DLGAP1: variants seen among roughly 807,000 people sequenced by gnomAD.
The protein encoded by DLGAP1 is DLG associated protein 1, also known as disks large-associated protein 1.
A neutral mutation model predicts 90.8 loss-of-function variants in DLGAP1; 11 were observed. That is an observed-to-expected ratio of 0.12 (90% confidence interval 0.08 to 0.20). The LOEUF is 0.20. DLGAP1 is among the 10% of genes least tolerant of loss of function. The pLI is 1.00. For synonymous variants in DLGAP1, 558 were observed against 540.7 expected (o/e 1.03, Z -0.44); for missense variants, 1,050 against 1,333.8 (o/e 0.79, Z 3.31).
chr18:3,517,467 T>C lies in DLGAP1; in HGVS notation c.2480-8806A>G, dbSNP rs1328564257. Among the ~76,000 whole-genome samples the C allele has an allele frequency of 3.3e-5, 5 of 152,208 alleles. No homozygotes were observed. Among genetic ancestry groups the C allele is most frequent in the Non-Finnish European group, 7.3e-5 (5 of 68,040 alleles). ...TTCTTTAAACTCCATGAACCAACGATTGCTAGCTTCAAACTTTTCTTCTTC... is the reference window on the plus strand; with the variant it reads ...TTCTTTAAACTCCATGAACCAACGACTGCTAGCTTCAAACTTTTCTTCTTC... On this transcript the variant is annotated intron_variant, in intron 10 of 12. Coordinates refer to ENST00000315677, the MANE Select transcript of DLGAP1 (RefSeq NM_004746.4). The surrounding 1 kb of genome is among the most constrained non-coding windows in gnomAD (Gnocchi z 4.1).
intron 7 of DLGAP1, among the ~76,000 whole-genome samples, chr18:3,583,143 GACCTACCTACCTACCTACCT>G (rs764967145): frequency 9.5e-4 from 108 of 113,674 alleles, no homozygotes; most frequent in South Asian, 4.6e-3. Context: ...CTGACTGACC[GACCTACCTACCTACCTACCT>G]ACCTACCTAC....
At chr18:4,275,507 C>A (rs1440521535) in intron 1 of DLGAP1, 1 of 152,186 alleles carries the variant, frequency 6.6e-6, no homozygotes, top group Admixed American at 6.5e-5. Context: ...CATTTTCTAA[C>A]ACCCTCCATA....
intron 1 of DLGAP1, among the ~76,000 whole-genome samples, chr18:4,181,907 A>G (rs1163712305): frequency 2.0e-5 from 3 of 152,150 alleles, no homozygotes; most frequent in Non-Finnish European, 4.4e-5. Context: ...TAGAAGAAAC[A>G]CCAGTAGCAA....
intron 1 of DLGAP1, among the ~76,000 whole-genome samples, chr18:4,282,065 A>T (rs1393471417): frequency 6.6e-6 from 1 of 152,216 alleles, no homozygotes; most frequent in Non-Finnish European, 1.5e-5. Context: ...TAATGTTTTC[A>T]TTAAAAGAGT....
chr18:4,329,277 T>C (rs1051235135), intron 1 of DLGAP1, among the ~76,000 whole-genome samples: 1 of 152,010 alleles, frequency 6.6e-6, no homozygotes, highest in Non-Finnish European at 1.5e-5. Flanking sequence ...GATTTCTACA[T>C]TGAATTACCC....
intron 7 of DLGAP1, among the ~76,000 whole-genome samples, chr18:3,691,194 A>G (rs536244437): frequency 1.3e-5 from 2 of 152,300 alleles, no homozygotes; most frequent in East Asian, 3.9e-4. Context: ...CATGCCTGTA[A>G]TCCCAGCACT....
At chr18:3,883,808 G>T (rs954877685) in intron 3 of DLGAP1, among the ~76,000 whole-genome samples, 4 of 152,196 alleles carry the variant, frequency 2.6e-5, no homozygotes, top group Non-Finnish European at 5.9e-5. Flanking sequence ...AAGGCAGGAA[G>T]CAGACTGGTG....
At chr18:3,671,127 C>T (rs997046042) in intron 7 of DLGAP1, among the ~76,000 whole-genome samples, 8 of 151,220 alleles carry the variant, frequency 5.3e-5, no homozygotes, top group African/African-American at 1.5e-4. Context: ...CTCTAGCCTT[C>T]TTTTAATTAC....
intron 7 of DLGAP1, among the ~76,000 whole-genome samples, chr18:3,698,055 C>T (rs1165189771): frequency 2.0e-5 from 3 of 152,108 alleles, no homozygotes; most frequent in African/African-American, 7.2e-5. Context: ...TTCCTCCATC[C>T]CTTTATTTTG....
At chr18:3,611,703 C>A (rs968209357) in intron 7 of DLGAP1, among the ~76,000 whole-genome samples, 2 of 152,174 alleles carry the variant, frequency 1.3e-5, no homozygotes, top group African/African-American at 2.4e-5. Context: ...GGTTTCAAAC[C>A]TTTTCCGCAC....
At chr18:3,976,191 CAAT>C (rs71160926) in intron 3 of DLGAP1, among the ~76,000 whole-genome samples, 18 of 132,804 alleles carry the variant, frequency 1.4e-4, no homozygotes, top group East Asian at 2.0e-4. Flanking sequence ...ACTAAAAATA[CAAT>C]AATAATAATA....
chr18:4,001,801 C>T (rs1322965089), intron 3 of DLGAP1, among the ~76,000 whole-genome samples: 2 of 152,130 alleles, frequency 1.3e-5, no homozygotes, highest in Admixed American at 6.5e-5. Context: ...GCTCCTCCAG[C>T]ACAAGCTGGT....
chr18:3,742,412 G>C lies in DLGAP1; in HGVS notation c.1273C>G (p.Pro425Ala). The stretch of plus-strand genomic sequence containing the variant: ...TTTGGTGATGTGAGCAAGCCTGCAG[G>C]GTCCAGGCTGTCCAGGCTCCGGTTG... ...SINRSLDSLD[P>A]AGLLTSPKFR... The change falls in exon 6 of 13, where the codon CCT becomes GCT. Residue 425 changes from proline to alanine, a missense_variant. Around this residue, in one of 2 missense-constraint regions of DLGAP1, gnomAD observed 565 missense variants for 879.7 expected, o/e 0.64. Coordinates refer to ENST00000315677, the MANE Select transcript of DLGAP1 (RefSeq NM_004746.4). 1 of 1,614,108 alleles carries C rather than the reference G, an allele frequency of 6.2e-7. No homozygotes were observed. The highest frequency in any genetic ancestry group is 1.1e-5 in the South Asian group (1 of 91,064).
At position 4,154,212 on chromosome 18, in the gene DLGAP1, C is replaced by A. The variant is rs74414402; in HGVS notation, c.-266-2925G>T. ...AGAGTAGCTGGGACTAGATGTGCAC[C>A]ACCACACCCGGCTATTTTTTTTTTT... is the stretch of plus-strand genomic sequence containing the variant. On this transcript the variant is annotated intron_variant, in intron 1 of 12. Transcript: ENST00000315677. Among the ~76,000 whole-genome samples the A allele has an allele frequency of 9.6e-4, 146 of 151,450 alleles. No homozygotes were observed. In the East Asian group the frequency reaches 0.025, roughly 26 times the overall value.
intron 7 of DLGAP1, among the ~76,000 whole-genome samples, chr18:3,592,353 C>T (rs951350181): frequency 3.3e-5 from 5 of 152,196 alleles, no homozygotes; most frequent in Admixed American, 3.3e-4. Context: ...TTATGCTGGC[C>T]GGACTTTCCA....
chr18:4,350,301 C>T (rs1316701729), intron 1 of DLGAP1, among the ~76,000 whole-genome samples: 2 of 151,762 alleles, frequency 1.3e-5, no homozygotes, highest in Non-Finnish European at 2.9e-5. Context: ...GATATCTTAG[C>T]AAAATATTTT....
chr18:4,317,996 T>C (rs1049953454), intron 1 of DLGAP1, among the ~76,000 whole-genome samples: 2 of 152,020 alleles, frequency 1.3e-5, no homozygotes, highest in Admixed American at 6.6e-5. Context: ...TACAGGCGCG[T>C]ACCATCACGC....
intron 1 of DLGAP1, among the ~76,000 whole-genome samples, chr18:4,399,409 C>A (rs930158471): frequency 6.6e-6 from 1 of 152,074 alleles, no homozygotes; most frequent in Non-Finnish European, 1.5e-5. Flanking sequence ...TTTAAAAAAT[C>A]CTTGTAAAAT....
At chr18:4,082,842 G>A (rs968836118) in intron 2 of DLGAP1, among the ~76,000 whole-genome samples, 2 of 151,920 alleles carry the variant, frequency 1.3e-5, no homozygotes, top group Admixed American at 1.3e-4. Flanking sequence ...CTTCATTGAC[G>A]TGCCGCTGCT....
Sources: allele counts gnomAD v4.1 joint callset (sites outside exome capture counted in the v4.1 genomes callset), GRCh38; gene constraint gnomAD v4.1.1; regional missense constraint gnomAD v4.1.1; non-coding constraint Gnocchi (gnomAD v3.1); transcripts MANE v1.5; gene names NCBI Gene and HGNC (gene_info 2026-07-23, HGNC 2026-07-21).